Variants in MSRB3 observed in about 807,000 individuals in gnomAD.
MSRB3 encodes the protein methionine sulfoxide reductase B3, also known as methionine-R-sulfoxide reductase B3.
MSRB3 carries 13 observed loss-of-function variants against 21.0 expected under a neutral mutation model. That is an observed-to-expected ratio of 0.62 (90% CI 0.40 to 0.98). MSRB3 has a LOEUF of 0.98. Ranked by LOEUF, MSRB3 falls within the 50% of genes least tolerant of loss-of-function variation. The pLI is 0.00. For synonymous variants in MSRB3, 87 were observed against 88.6 expected, an observed-to-expected ratio of 0.98 and a Z score of 0.10; for missense variants, 199 against 230.3, an observed-to-expected ratio of 0.86 and a Z score of 0.88.
At chr12:65,332,371 G>T (rs566479992) in intron 4 of MSRB3, among the ~76,000 whole-genome samples, 2 of 152,000 alleles carry the variant, frequency 1.3e-5, no homozygotes, top group South Asian at 4.2e-4. Context: ...AAACTAGACA[G>T]AACAGATTAA....
chr12:65,409,710 T>C (rs1269749032), intron 5 of MSRB3, among the ~76,000 whole-genome samples: 1 of 152,212 alleles, frequency 6.6e-6, no homozygotes, highest in African/African-American at 2.4e-5. Flanking sequence ...TTTTTATGTG[T>C]TACATTATAC....
chr12:65,446,054 C>T (rs1171841534), intron 5 of MSRB3, among the ~76,000 whole-genome samples: 1 of 152,144 alleles, frequency 6.6e-6, no homozygotes, highest in East Asian at 1.9e-4. Flanking sequence ...GTCATGTTTA[C>T]TCTTTGTCTG....
At chr12:65,326,960 A>AT (rs1875087117) in intron 3 of MSRB3, 26 bp downstream of exon 3, 2 of 1,556,000 alleles carry the variant, frequency 1.3e-6, no homozygotes, top group African/African-American at 1.4e-5. Context: ...ATAAAAAGTC[A>AT]TTAAGAGCTA....
intron 1 of MSRB3, chr12:65,286,338 C>T (rs1411805955): frequency 6.6e-6 from 1 of 152,146 alleles, no homozygotes; most frequent in Non-Finnish European, 1.5e-5. Context: ...TTCTCAGAAT[C>T]CTCTTACAAT....
intron 4 of MSRB3, among the ~76,000 whole-genome samples, chr12:65,354,117 CT>C (rs1056698683): frequency 7.9e-5 from 12 of 151,982 alleles, no homozygotes; most frequent in African/African-American, 2.7e-4. Flanking sequence ...ATGGGCTTCC[CT>C]TTGTGGGTAA....
chr12:65,442,722 G>A (rs570526653), intron 5 of MSRB3, among the ~76,000 whole-genome samples: 13 of 152,150 alleles, frequency 8.5e-5, no homozygotes, highest in South Asian at 2.1e-4. Flanking sequence ...TTTGGATCAA[G>A]GTTACTAGGT....
chr12:65,284,866 A>T (rs1369691473), intron 1 of MSRB3: 2 of 152,202 alleles, frequency 1.3e-5, no homozygotes, highest in Non-Finnish European at 2.9e-5. Context: ...TGCATCCAGA[A>T]TGACCTTTCT....
chr12:65,351,324 GA>G (rs1876973955), intron 4 of MSRB3, among the ~76,000 whole-genome samples: 1 of 147,138 alleles, frequency 6.8e-6, no homozygotes, highest in East Asian at 1.9e-4. Context: ...TGTGTAGAGG[GA>G]AATTTATAGC....
chr12:65,315,564 A>AG (rs1198342139), intron 2 of MSRB3, among the ~76,000 whole-genome samples: 3 of 150,066 alleles, frequency 2.0e-5, no homozygotes, highest in Non-Finnish European at 3.0e-5. Flanking sequence ...GCTACCCAGG[A>AG]GGCTGAAGCA....
rs1883485874 is a variant in MSRB3, at chr12:65,464,612, C to G, written c.*1290C>G. 2 of 152,266 alleles carry G rather than the reference C, an allele frequency of 1.3e-5. No individual in the cohort carries two copies. The highest frequency in any genetic ancestry group is 4.8e-5 in the African/African-American group (2 of 41,452). 9.4% of individuals were successfully genotyped at this position (152,266 alleles called of 1,614,324 possible). ...TGCAGCTGGAAGGGCACAAATTCCA[C>G]TGTGTAAAATAAAATATTAGGGGCA... On this transcript the variant is annotated 3_prime_UTR_variant, in exon 7 of 7. Coordinates refer to ENST00000308259, the MANE Select transcript of MSRB3 (RefSeq NM_001031679.3).
chr12:65,293,729 G>A (rs745985604), intron 1 of MSRB3, among the ~76,000 whole-genome samples: 21 of 152,144 alleles, frequency 1.4e-4, no homozygotes, highest in Non-Finnish European at 2.8e-4. Context: ...TCACTAAGAC[G>A]TAAGCTTCAT....
At chr12:65,334,533 TAC>T (rs140461925) in intron 4 of MSRB3, among the ~76,000 whole-genome samples, 36 of 151,724 alleles carry the variant, frequency 2.4e-4, no homozygotes, top group African/African-American at 8.4e-4. Flanking sequence ...GAAACATGCA[TAC>T]ACACACACAC....
At chr12:65,356,313 A>G (rs1278658344) in intron 4 of MSRB3, among the ~76,000 whole-genome samples, 1 of 151,892 alleles carries the variant, frequency 6.6e-6, no homozygotes, top group Non-Finnish European at 1.5e-5. Context: ...TAGCAAATGT[A>G]TTATTTTTTG....
At chr12:65,352,457 T>G (rs919412426) in intron 4 of MSRB3, among the ~76,000 whole-genome samples, 15 of 151,266 alleles carry the variant, frequency 9.9e-5, no homozygotes, top group African/African-American at 3.7e-4. Context: ...TTGGAAGTTC[T>G]GGCCAGGGCA....
intron 4 of MSRB3, among the ~76,000 whole-genome samples, chr12:65,353,377 T>A (rs34045148): frequency 1.3e-5 from 2 of 152,014 alleles, no homozygotes; most frequent in Admixed American, 6.6e-5. Flanking sequence ...TTTGTAGGTC[T>A]CTAAAGACTT....
At chr12:65,322,660 C>CAAAA (rs34770864) in intron 2 of MSRB3, among the ~76,000 whole-genome samples, 6 of 87,554 alleles carry the variant, frequency 6.9e-5, no homozygotes, top group African/African-American at 9.3e-5. Context: ...GACTCCATCT[C>CAAAA]AAAAAAAAAA....
intron 5 of MSRB3, among the ~76,000 whole-genome samples, chr12:65,420,476 TAA>T (rs143639710): frequency 6.6e-6 from 1 of 152,080 alleles, no homozygotes; most frequent in Non-Finnish European, 1.5e-5. Context: ...AATTTTTAAT[TAA>T]AAAAACTTTT....
intron 1 of MSRB3, among the ~76,000 whole-genome samples, chr12:65,303,089 G>A (rs190864040): frequency 2.6e-5 from 4 of 152,090 alleles, no homozygotes; most frequent in African/African-American, 9.6e-5. Context: ...TGTGGTGGAG[G>A]GGAGCATTTT....
rs548390433 is a variant in MSRB3, at chr12:65,281,447, A to G, written c.-52+2582A>G. ...TCTGATTGTCAGCCTGTGACTTGCTATACATGTCAAACTGGCCTACCTTAG... is the reference window on the plus strand; with the variant it reads ...TCTGATTGTCAGCCTGTGACTTGCTGTACATGTCAAACTGGCCTACCTTAG... On this transcript the variant is annotated intron_variant, in intron 1 of 6. Transcript: ENST00000308259. Among the ~76,000 whole-genome samples, 5 of 152,280 alleles carry G rather than the reference A, an allele frequency of 3.3e-5. No individual in the cohort carries two copies. The East Asian group carries it at 9.7e-4, about 29-fold the overall frequency.
Sources: allele counts gnomAD v4.1 joint callset (sites outside exome capture counted in the v4.1 genomes callset), GRCh38; gene constraint gnomAD v4.1.1; transcripts MANE v1.5; gene names NCBI Gene and HGNC (gene_info 2026-07-23, HGNC 2026-07-21).